OR14L1: variants seen among roughly 807,000 people sequenced by gnomAD.
OR14L1 encodes olfactory receptor family 14 subfamily L member 1.
the OR14L1 span, chr1:247,619,876 A>G: frequency 6.6e-6 from 1 of 152,120 alleles, no homozygotes; most frequent in Admixed American, 6.5e-5. Flanking sequence ...CACAATTCCA[A>G]AATCTATTGT....
At chr1:247,617,713 T>C in the OR14L1 span, among the ~76,000 whole-genome samples, 1 of 150,654 alleles carries the variant, frequency 6.6e-6, no homozygotes, top group African/African-American at 2.4e-5. Context: ...TGTGTGTGCG[T>C]GTGTGTGTGT....
At chr1:247,620,807 T>C in the OR14L1 span, 4 of 152,226 alleles carry the variant, frequency 2.6e-5, no homozygotes, top group Admixed American at 1.3e-4. Context: ...GTGCTTTTAT[T>C]CATTTTTATG....
At chr1:247,617,456 T>C in the OR14L1 span, 1 of 152,220 alleles carries the variant, frequency 6.6e-6, no homozygotes, top group African/African-American at 2.4e-5. Context: ...ATATTATTTT[T>C]CAATTAATAG....
the OR14L1 span, chr1:247,621,353 A>G: frequency 3.3e-5 from 5 of 152,200 alleles, no homozygotes; most frequent in Admixed American, 6.5e-5. Context: ...TACTTAAACT[A>G]TAATATAAAT....
At chr1:247,619,435 T>C in the OR14L1 span, among the ~76,000 whole-genome samples, 1 of 152,192 alleles carries the variant, frequency 6.6e-6, no homozygotes, top group East Asian at 1.9e-4. Flanking sequence ...ACACCTCACA[T>C]ACTATGATGT....
chr1:247,620,865 A>G, the OR14L1 span: 2 of 152,170 alleles, frequency 1.3e-5, no homozygotes, highest in Admixed American at 1.3e-4. Flanking sequence ...TCAGTAATAC[A>G]ACATATTAAT....
chr1:247,619,683 G>A, the OR14L1 span: 2 of 151,998 alleles, frequency 1.3e-5, no homozygotes, highest in Non-Finnish European at 2.9e-5. Flanking sequence ...TTTTCCTCAT[G>A]GGATTTTCGA....
chr1:247,621,449 G>A, the OR14L1 span: 1 of 152,126 alleles, frequency 6.6e-6, no homozygotes, highest in Non-Finnish European at 1.5e-5. Context: ...TGCCTATGGG[G>A]TAAAAGTGAT....
At chr1:247,621,914 T>TAGTA in the OR14L1 span, 1 of 152,142 alleles carries the variant, frequency 6.6e-6, no homozygotes, top group Non-Finnish European at 1.5e-5. Flanking sequence ...AGTATTCCAT[T>TAGTA]GTGTGTGTAT....
the OR14L1 span, chr1:247,617,277 T>G: frequency 6.6e-6 from 1 of 152,214 alleles, no homozygotes; most frequent in African/African-American, 2.4e-5. Context: ...TAGGGCATTT[T>G]TCAATTTTAT....
At chr1:247,618,726 A>G in the OR14L1 span, among the ~76,000 whole-genome samples, 1 of 152,158 alleles carries the variant, frequency 6.6e-6, no homozygotes, top group Non-Finnish European at 1.5e-5. Flanking sequence ...ATCCATACCC[A>G]TATCCTAAGC....
the OR14L1 span, among the ~76,000 whole-genome samples, chr1:247,618,729 T>A: frequency 6.6e-6 from 1 of 152,140 alleles, no homozygotes; most frequent in Admixed American, 6.5e-5. Flanking sequence ...CATACCCATA[T>A]CCTAAGCATA....
the OR14L1 span, chr1:247,622,063 C>T: frequency 2.6e-5 from 4 of 152,094 alleles, no homozygotes; most frequent in Non-Finnish European, 4.4e-5. Context: ...TAGATGCAAG[C>T]GTACCTCATT....
the OR14L1 span, chr1:247,621,168 CATTTTCATTAAACACAATATT>C: frequency 6.6e-5 from 10 of 152,206 alleles, no homozygotes; most frequent in African/African-American, 2.4e-4. Flanking sequence ...GGAGAAATGT[CATTTTCATTAAACACAATATT>C]ATGTTAAGCT....
the OR14L1 span, chr1:247,620,524 G>C: frequency 1.3e-5 from 2 of 152,446 alleles, no homozygotes; most frequent in East Asian, 1.9e-4. Context: ...GAGGAATAGG[G>C]ACATGAAGGC....
chr1:247,621,105 A>C, the OR14L1 span: 3 of 152,178 alleles, frequency 2.0e-5, no homozygotes. Flanking sequence ...TAATATCACA[A>C]ACTATAAAGG....
the OR14L1 span, among the ~76,000 whole-genome samples, chr1:247,617,732 T>C: frequency 7.4e-6 from 1 of 134,436 alleles, no homozygotes; most frequent in African/African-American, 3.0e-5. Flanking sequence ...GTGTGTAGTC[T>C]CGATGTATGG....
the OR14L1 span, chr1:247,620,161 C>T: frequency 6.6e-6 from 1 of 152,128 alleles, no homozygotes; most frequent in Non-Finnish European, 1.5e-5. Flanking sequence ...CAATAGAATA[C>T]GTCAATTTTT....
the OR14L1 span, chr1:247,617,386 A>G: frequency 6.6e-6 from 1 of 152,242 alleles, no homozygotes; most frequent in Non-Finnish European, 1.5e-5. Context: ...AACAAAAATC[A>G]GCTCATAGCA....
Sources: gnomAD v4.1 joint callset for allele counts (sites outside exome capture counted in the v4.1 genomes callset) on GRCh38, gnomAD v4.1.1 for gene constraint, MANE v1.5 for transcripts, NCBI Gene and HGNC (gene_info 2026-07-23, HGNC 2026-07-21) for gene names.